The following STAB2 variants were observed in gnomAD, a reference collection of about 807,000 sequenced individuals.
The protein encoded by STAB2 is stabilin 2.
In STAB2, 288 loss-of-function variants were observed where a neutral mutation model predicts 338.1. The observed-to-expected ratio is 0.85, with a 90% CI of 0.77 to 0.94. STAB2 has a LOEUF of 0.94. Ranked by LOEUF, STAB2 falls within the 40% of genes least tolerant of loss-of-function variation. STAB2 has a pLI of 0.00. For synonymous variants in STAB2, 1,202 were observed against 1,193.3 expected (o/e 1.01, Z -0.15); for missense variants, 3,141 against 3,210.1 (o/e 0.98, Z 0.52).
intron 3 of STAB2, among the ~76,000 whole-genome samples, chr12:103,594,998 A>C (rs1024982258): frequency 1.3e-5 from 2 of 150,766 alleles, no homozygotes; most frequent in African/African-American, 4.8e-5. Flanking sequence ...GTGTAAAGTT[A>C]ATTGTGTAGA....
intron 5 of STAB2, 26 bp from the exon 6 acceptor site, chr12:103,631,571 TA>T: frequency 1.2e-6 from 2 of 1,607,720 alleles, no homozygotes; most frequent in Non-Finnish European, 1.7e-6. Flanking sequence ...TGTCAGGTAA[TA>T]AAAATCCCCC....
chr12:103,664,058 A>G (rs1874856564), intron 18 of STAB2, among the ~76,000 whole-genome samples: 1 of 151,968 alleles, frequency 6.6e-6, no homozygotes, highest in Non-Finnish European at 1.5e-5. Context: ...TTTCCCTATG[A>G]GCTTCTGTAC....
At chr12:103,668,936 T>A in intron 20 of STAB2, 1 of 531,200 alleles carries the variant, frequency 1.9e-6, no homozygotes, top group Non-Finnish European at 3.3e-6. Flanking sequence ...CCTACCCTCT[T>A]AACACAGATC....
chr12:103,692,532 A>G (rs1284736117), intron 30 of STAB2, among the ~76,000 whole-genome samples: 1 of 152,170 alleles, frequency 6.6e-6, no homozygotes, highest in Non-Finnish European at 1.5e-5. Flanking sequence ...TACCTCCCAC[A>G]TAGGGGAAAG....
intron 59 of STAB2, among the ~76,000 whole-genome samples, chr12:103,749,967 G>A (rs977537776): frequency 2.0e-5 from 3 of 150,938 alleles, no homozygotes; most frequent in African/African-American, 7.3e-5. Flanking sequence ...GATTGCTTTT[G>A]CATCTTACCT....
At chr12:103,652,849 T>C (rs1873848306) in intron 12 of STAB2, 144 bp downstream of exon 12, 1 of 962,392 alleles carries the variant, frequency 1.0e-6, no homozygotes, top group Non-Finnish European at 1.4e-6. Context: ...ACACCTTATA[T>C]AGGAAGAAAC....
rs78548797 is a variant in STAB2, at chr12:103,690,578, C to G, written c.3297+40C>G. 655 of 1,551,180 alleles carry G rather than the reference C, an allele frequency of 4.2e-4. 4 individuals are homozygous for G. The African/African-American group carries it at 8.3e-3, about 20-fold the overall frequency. ...ATTTGTCTGTTTACTTGAAACATAA[C>G]AGCTTTGTTTATATTGTACTTTTTA... On this transcript the variant is annotated intron_variant, in intron 30 of 68. Transcript: ENST00000388887.
chr12:103,589,267 G>T (rs1956760820), intron 1 of STAB2, among the ~76,000 whole-genome samples: 1 of 152,194 alleles, frequency 6.6e-6, no homozygotes, highest in Non-Finnish European at 1.5e-5. Flanking sequence ...TTAGGCCCGT[G>T]GATGAGCTGT....
At chr12:103,745,872 C>T (rs1283745388) in intron 57 of STAB2, among the ~76,000 whole-genome samples, 3 of 152,222 alleles carry the variant, frequency 2.0e-5, no homozygotes, top group African/African-American at 4.8e-5. Flanking sequence ...TAATCATTGC[C>T]ATAGCTCGAT....
chr12:103,654,617 C>T lies in STAB2; in HGVS notation c.1470C>T (p.Asp490=), dbSNP rs1235755743. ...GKKKVKIIQG[D]IIASNGLLHI... is the part of the protein sequence containing the mutation. Reference sequence around the variant, plus strand: ...AGAAGGTAAAAATTATACAAGGGGACATCATTGCTTCCAATGGGCTTCTGC... The same window carrying T: ...AGAAGGTAAAAATTATACAAGGGGATATCATTGCTTCCAATGGGCTTCTGC... Residue 490 remains aspartate (D), a synonymous_variant, in exon 13 of 69, where the codon GAC becomes GAT. Transcript: ENST00000388887. 14 of 1,614,014 alleles carry T rather than the reference C, an allele frequency of 8.7e-6. No individual in the cohort carries two copies. Among genetic ancestry groups the T allele is most frequent in the Non-Finnish European group, 1.1e-5 (13 of 1,180,002 alleles).
rs979519582 is a variant in STAB2 at position 103,637,303 on chromosome 12, A to T, written c.709+67A>T. 3 of 1,560,290 alleles carry T rather than the reference A, an allele frequency of 1.9e-6. No individual in the cohort carries two copies. The African/African-American group carries it at 4.2e-5, about 22-fold the overall frequency. On this transcript the variant is annotated intron_variant, in intron 7 of 68. Coordinates refer to ENST00000388887, the MANE Select transcript of STAB2 (RefSeq NM_017564.10). ...TTTAGGTTATTTAACAGGAAAAAAA[A>T]ATCTCACAACCTCCTTAACACAATG...
At position 103,633,398 on chromosome 12, in the gene STAB2, A is replaced by T. The variant is rs76366632; in HGVS notation, c.583+1705A>T. Among the ~76,000 whole-genome samples, 1,151 of 152,324 alleles carry T rather than the reference A, an allele frequency of 7.6e-3. 19 individuals carry two copies. Among genetic ancestry groups the T allele is most frequent in the African/African-American group, 0.027 (1,103 of 41,570 alleles). ...CTAAATTTCAGAATAAGAAATGAAAACAGGCCGGGCCTGGTGGTTCATGCC... is the reference window on the plus strand; with the variant it reads ...CTAAATTTCAGAATAAGAAATGAAATCAGGCCGGGCCTGGTGGTTCATGCC... On this transcript the variant is annotated intron_variant, in intron 6 of 68. Transcript: ENST00000388887.
chr12:103,599,616 G>A (rs1359963094), intron 3 of STAB2, among the ~76,000 whole-genome samples: 1 of 152,188 alleles, frequency 6.6e-6, no homozygotes, highest in Non-Finnish European at 1.5e-5. Context: ...AACAATATTA[G>A]GGATGTACTT....
At chr12:103,761,171 G>A in intron 65 of STAB2, 129 bp from the exon 66 acceptor site, 2 of 750,374 alleles carry the variant, frequency 2.7e-6, no homozygotes, top group Non-Finnish European at 4.5e-6. Flanking sequence ...AGAAGTCCTG[G>A]GCTGCCTATC....
intron 5 of STAB2, among the ~76,000 whole-genome samples, chr12:103,628,659 C>T (rs567336650): frequency 6.6e-6 from 1 of 152,314 alleles, no homozygotes; most frequent in African/African-American, 2.4e-5. Flanking sequence ...CCTCCCTCTT[C>T]ACATGCCTCT....
intron 30 of STAB2, among the ~76,000 whole-genome samples, chr12:103,692,396 A>AG (rs35281586): frequency 0.38 from 58,446 of 151,830 alleles, 12,067 homozygotes; most frequent in East Asian, 0.53. Context: ...TTGTGGGGGC[A>AG]GGGGGGGACA....
chr12:103,764,330 T>C (rs533646476), intron 68 of STAB2, among the ~76,000 whole-genome samples: 1 of 152,346 alleles, frequency 6.6e-6, no homozygotes, highest in African/African-American at 2.4e-5. Context: ...TGCTGCTTTC[T>C]TGCTTTTGGA....
Position 103,763,521 on chromosome 12 carries a change from T to C in STAB2, c.7518T>C (p.Leu2506=). The C allele has an allele frequency of 6.2e-7, 1 of 1,614,104 alleles. No individual in the cohort carries two copies. The highest frequency in any genetic ancestry group is 8.5e-7 in the Non-Finnish European group (1 of 1,180,002). The part of the protein sequence containing the change: ...ESEEDINVAA[L]GKQQPENISN... ...AAGAGGACATTAATGTTGCAGCTCT[T>C]GGCAAGCAGCAGCCTGAGAATATCT... is the stretch of plus-strand genomic sequence containing the variant. Residue 2506 remains leucine (L), a synonymous_variant, in exon 68 of 69, where the codon CTT becomes CTC. Coordinates refer to ENST00000388887, the MANE Select transcript of STAB2 (RefSeq NM_017564.10).
chr12:103,711,972 G>A (rs1027006723), intron 40 of STAB2, among the ~76,000 whole-genome samples: 7 of 152,184 alleles, frequency 4.6e-5, no homozygotes, highest in Non-Finnish European at 7.3e-5. Context: ...TGAGTCCAAC[G>A]TTGAATCCCT....
Sources: gnomAD v4.1 joint callset for allele counts (sites outside exome capture counted in the v4.1 genomes callset) on GRCh38, gnomAD v4.1.1 for gene constraint, MANE v1.5 for transcripts, NCBI Gene and HGNC (gene_info 2026-07-23, HGNC 2026-07-21) for gene names.